The following CALN1 variants were observed in gnomAD, a reference collection of about 807,000 sequenced individuals.
CALN1 encodes calneuron 1.
Under a neutral mutation model 30.6 loss-of-function variants are expected in CALN1, and 17 were observed. The ratio of observed to expected loss-of-function variants is 0.56; its 90% CI spans 0.38 to 0.83. The LOEUF is 0.83. CALN1 is among the 40% of genes least tolerant of loss of function. The probability of loss-of-function intolerance (pLI) is 0.00; values close to 1 mark genes in which losing one functional copy is unlikely to be tolerated. For missense variants in CALN1, 291 were observed against 354.9 expected (o/e 0.82, Z 1.45); for synonymous variants, 156 against 131.4 (o/e 1.19, Z -1.28).
chr7:72,439,653 C>T (rs922495785), intron 1 of CALN1, among the ~76,000 whole-genome samples: 1 of 150,318 alleles, frequency 6.7e-6, no homozygotes, highest in Admixed American at 6.6e-5. Context: ...TCTCGGCTCA[C>T]TGCAACCTCC....
intron 4 of CALN1, among the ~76,000 whole-genome samples, chr7:72,057,876 A>C (rs915124811): frequency 6.6e-6 from 1 of 152,184 alleles, no homozygotes; most frequent in Non-Finnish European, 1.5e-5. Context: ...CTCTTTTTCA[A>C]GTCTTCAAGC....
Position 72,338,525 on chromosome 7 carries a change from G to GTGTGTGTGTGTC in CALN1, c.120-59716_120-59715insGACACACACACA. Reference sequence around the variant, plus strand: ...TGTGTGTGTGTGTGTGTGTGTGTGTGTGTCTCACCTGGGTGTGGTTTCAGA... The same window carrying GTGTGTGTGTGTC: ...TGTGTGTGTGTGTGTGTGTGTGTGTGTGTGTGTGTGTCTGTCTCACCTGGGTGTGGTTTCAGA... On this transcript the variant is annotated intron_variant, in intron 2 of 6. Transcript: ENST00000395275. Among the ~76,000 whole-genome samples, 275 of 122,330 alleles carry GTGTGTGTGTGTC rather than the reference G, an allele frequency of 2.2e-3. 13 individuals carry two copies. Among genetic ancestry groups the GTGTGTGTGTGTC allele is most frequent in the African/African-American group, 5.5e-3 (176 of 32,066 alleles). The allele number at this position is 122,330 out of a possible 152,430, so 80.3% of individuals were successfully genotyped here. A position where few individuals can be genotyped will look rare whatever the true frequency, so the allele number is the denominator to read the frequency against.
chr7:71,821,300 TTAA>T (rs2116320074), intron 5 of CALN1, among the ~76,000 whole-genome samples: 2 of 152,296 alleles, frequency 1.3e-5, no homozygotes, highest in East Asian at 3.9e-4. Context: ...TATCTTCATA[TTAA>T]TCCGTTTTCA....
rs562417315 is a variant in CALN1 at position 72,080,856 on chromosome 7, C to A, written c.388+25295G>T. ...TGGCTGTTCTCAACAGGTTTGAGAT[C>A]GTGTTAGTGTGCGTATTACAGAGAA... is the stretch of plus-strand genomic sequence containing the variant. On this transcript the variant is annotated intron_variant, in intron 4 of 6. Coordinates refer to ENST00000395275, the MANE Select transcript of CALN1 (RefSeq NM_031468.4). Among the ~76,000 whole-genome samples the A allele has an allele frequency of 3.3e-4, 50 of 152,142 alleles. 1 individual carries two copies. The highest frequency in any genetic ancestry group is 6.8e-3 in the Middle Eastern group (2 of 294).
intron 5 of CALN1, among the ~76,000 whole-genome samples, chr7:71,942,101 G>C (rs574084963): frequency 1.8e-3 from 276 of 152,236 alleles, no homozygotes; most frequent in African/African-American, 6.5e-3. Flanking sequence ...CGGAGGCTGA[G>C]GCAGAAGAAT....
intron 2 of CALN1, among the ~76,000 whole-genome samples, chr7:72,392,087 A>G (rs1805615397): frequency 6.6e-6 from 1 of 152,178 alleles, no homozygotes; most frequent in South Asian, 2.1e-4. Flanking sequence ...CCCTTTTAGG[A>G]TGCTCTTCTT....
chr7:72,136,432 G>T (rs1169345001), intron 3 of CALN1, among the ~76,000 whole-genome samples: 1 of 152,146 alleles, frequency 6.6e-6, no homozygotes, highest in Non-Finnish European at 1.5e-5. Context: ...GCTCACTCTG[G>T]ATTAGGTTTT....
chr7:72,307,686 G>A (rs979201525), intron 2 of CALN1, among the ~76,000 whole-genome samples: 2 of 152,136 alleles, frequency 1.3e-5, no homozygotes, highest in South Asian at 2.1e-4. Context: ...TGCAGATGCC[G>A]TGGGGAGGTG....
intron 2 of CALN1, among the ~76,000 whole-genome samples, chr7:72,313,273 T>C (rs1469229194): frequency 2.0e-5 from 3 of 152,008 alleles, no homozygotes; most frequent in Non-Finnish European, 4.4e-5. Context: ...CATTTCTAAA[T>C]CAGTGAATGG....
intron 5 of CALN1, among the ~76,000 whole-genome samples, chr7:71,940,411 T>TCC (rs1408053372): frequency 6.6e-6 from 1 of 152,158 alleles, no homozygotes; most frequent in African/African-American, 2.4e-5. Flanking sequence ...TGCTTTCTCT[T>TCC]CCACCTTTAT....
chr7:72,210,598 T>C (rs1007621397), intron 3 of CALN1, among the ~76,000 whole-genome samples: 2 of 151,542 alleles, frequency 1.3e-5, no homozygotes, highest in African/African-American at 4.9e-5. Context: ...CACAAGGAGG[T>C]AGGAAAAAGA....
chr7:71,793,744 T>C lies in CALN1; in HGVS notation c.659-5842A>G, dbSNP rs180908152. Among the ~76,000 whole-genome samples the C allele has an allele frequency of 1.1e-3, 170 of 152,072 alleles. 1 individual carries two copies. Among genetic ancestry groups the C allele is most frequent in the African/African-American group, 4.0e-3 (165 of 41,488 alleles). Reference sequence around the variant, plus strand: ...CAGAAAAATTAACTGAGCACGGTGTTGTGTGCCTGTAATCCCCGCTACTCG... The same window carrying C: ...CAGAAAAATTAACTGAGCACGGTGTCGTGTGCCTGTAATCCCCGCTACTCG... On this transcript the variant is annotated intron_variant, in intron 6 of 6. Coordinates refer to ENST00000395275, the MANE Select transcript of CALN1 (RefSeq NM_031468.4).
In CALN1 at chr7:72,403,340, C is replaced by T. The variant is rs1303596762; in HGVS notation, c.30G>A (p.Gly10=). 1 of 1,549,074 alleles carries T rather than the reference C, an allele frequency of 6.5e-7. No homozygotes were observed. The highest frequency in any genetic ancestry group is 2.4e-5 in the East Asian group (1 of 40,938). Residue 10 remains glycine (G), a synonymous_variant, in exon 2 of 7, where the codon GGG becomes GGA. Transcript: ENST00000395275. MRLPEQPGE[G]KPENEKKGDG... is the part of the protein sequence containing the mutation. ...CCCCCTTTTTCTCATTCTCGGGCTT[C>T]CCCTCTCCGGGTTGCTCTGGCAGCC...
intron 3 of CALN1, among the ~76,000 whole-genome samples, chr7:72,163,499 A>T (rs1210303597): frequency 2.0e-5 from 3 of 152,096 alleles, no homozygotes; most frequent in African/African-American, 7.2e-5. Flanking sequence ...TAAGGACTTT[A>T]AAAGAGGAAT....
At position 72,055,120 on chromosome 7, in the gene CALN1, A is replaced by G. The variant is rs1182926381; in HGVS notation, c.389-31351T>C. On this transcript the variant is annotated intron_variant, in intron 4 of 6. Transcript: ENST00000395275. The stretch of plus-strand genomic sequence containing the variant: ...GGCATCATAGTACATGAGTTAACTC[A>G]TTTAATCCTCACACCACACTAACGA... Among the ~76,000 whole-genome samples the G allele has an allele frequency of 3.3e-5, 5 of 152,326 alleles. No individual in the cohort carries two copies. The East Asian group carries it at 9.7e-4, about 29-fold the overall frequency.
intron 2 of CALN1, 62 bp downstream of exon 2, chr7:72,403,189 C>A (rs1040338140): frequency 2.0e-5 from 27 of 1,354,694 alleles, no homozygotes; most frequent in Non-Finnish European, 2.7e-5. Context: ...GACCCCGCGC[C>A]ACCCCCTACC....
chr7:71,876,225 C>T (rs187626776), intron 5 of CALN1, among the ~76,000 whole-genome samples: 2 of 152,128 alleles, frequency 1.3e-5, no homozygotes, highest in Admixed American at 1.3e-4. Flanking sequence ...CATGATGGCG[C>T]CATCATGAAG....
At chr7:71,973,317 A>T (rs764199821) in intron 5 of CALN1, among the ~76,000 whole-genome samples, 3 of 152,010 alleles carry the variant, frequency 2.0e-5, no homozygotes, top group Non-Finnish European at 4.4e-5. Flanking sequence ...CTGGGATTAC[A>T]TGTGCGCACC....
chr7:71,805,409 C>T (rs1459812522), intron 6 of CALN1, among the ~76,000 whole-genome samples: 4 of 151,906 alleles, frequency 2.6e-5, no homozygotes, highest in African/African-American at 7.3e-5. Flanking sequence ...TGTGGGGTTG[C>T]GAGGAGGATT....
Sources: gnomAD v4.1 joint callset for allele counts (sites outside exome capture counted in the v4.1 genomes callset) on GRCh38, gnomAD v4.1.1 for gene constraint, MANE v1.5 for transcripts, NCBI Gene and HGNC (gene_info 2026-07-23, HGNC 2026-07-21) for gene names.